The following HMCN1 variants were observed in gnomAD, a reference collection of about 807,000 sequenced individuals.
HMCN1 encodes hemicentin-1.
In HMCN1, 321 loss-of-function variants were observed where a neutral mutation model predicts 625.9. The ratio of observed to expected loss-of-function variants is 0.51; its 90% CI spans 0.47 to 0.56. The LOEUF (loss-of-function observed/expected upper bound fraction) is 0.56, where lower values mean the gene tolerates loss of function less well. Among genes scored for constraint, HMCN1 ranks in the 20% least tolerant of loss-of-function variants. The pLI, the probability that HMCN1 is intolerant of heterozygous loss-of-function variation, is 0.00. For synonymous variants in HMCN1, 2,425 were observed against 2,417.6 expected (o/e 1.00, Z -0.09); for missense variants, 6,588 against 6,887.3 (o/e 0.96, Z 1.54).
chr1:185,933,411 A>G (rs1432532368), intron 10 of HMCN1, 138 bp from the exon 11 acceptor site: 23 of 803,324 alleles, frequency 2.9e-5, no homozygotes, highest in South Asian at 9.0e-5. Flanking sequence ...AGACATATGC[A>G]TTAATTGAGT....
chr1:186,093,028 C>A, intron 64 of HMCN1, 106 bp from the exon 65 acceptor site: 1 of 1,486,198 alleles, frequency 6.7e-7, no homozygotes, highest in South Asian at 1.1e-5. Context: ...CAGTTGGTTG[C>A]TTGAATTTTC....
intron 4 of HMCN1, among the ~76,000 whole-genome samples, chr1:185,903,660 A>G (rs541340096): frequency 6.6e-6 from 1 of 151,676 alleles, no homozygotes; most frequent in Non-Finnish European, 1.5e-5. Flanking sequence ...CCCTCTCAAA[A>G]GTCTCAAGTG....
intron 4 of HMCN1, among the ~76,000 whole-genome samples, chr1:185,895,996 C>T (rs374070379): frequency 2.6e-5 from 4 of 151,034 alleles, no homozygotes; most frequent in African/African-American, 7.3e-5. Flanking sequence ...AGTGCAGTGG[C>T]GCAATCTCGG....
chr1:185,997,083 G>A (rs536965256), intron 24 of HMCN1, among the ~76,000 whole-genome samples: 1 of 152,154 alleles, frequency 6.6e-6, no homozygotes, highest in South Asian at 2.1e-4. Flanking sequence ...TAGAGAGGAA[G>A]ACACAGATAT....
At chr1:186,120,253 G>T in intron 80 of HMCN1, 108 bp downstream of exon 80, 2 of 1,242,636 alleles carry the variant, frequency 1.6e-6, no homozygotes, top group Non-Finnish European at 2.3e-6. Flanking sequence ...CATAGTTCTC[G>T]ACATTCTTAG....
intron 22 of HMCN1, among the ~76,000 whole-genome samples, chr1:185,992,117 G>A (rs1314779723): frequency 6.6e-6 from 1 of 152,086 alleles, no homozygotes; most frequent in South Asian, 2.1e-4. Context: ...CTGGTGACTT[G>A]TCTTTCTCTT....
chr1:185,794,342 A>ATT (rs1244351859), intron 1 of HMCN1, among the ~76,000 whole-genome samples: 5 of 138,590 alleles, frequency 3.6e-5, no homozygotes, highest in East Asian at 1.9e-4. Flanking sequence ...AAGAGGATAG[A>ATT]TTATATATAT....
At chr1:185,783,858 G>T (rs1657346851) in intron 1 of HMCN1, among the ~76,000 whole-genome samples, 3 of 152,212 alleles carry the variant, frequency 2.0e-5, no homozygotes, top group Admixed American at 6.5e-5. Flanking sequence ...GAGAACCACT[G>T]TACCGTCTTC....
At chr1:185,842,466 G>A (rs1300022261) in intron 1 of HMCN1, among the ~76,000 whole-genome samples, 2 of 152,148 alleles carry the variant, frequency 1.3e-5, no homozygotes, top group East Asian at 1.9e-4. Flanking sequence ...GGGAGGCTGA[G>A]GCAGGAGGAT....
Position 186,145,413 on chromosome 1 carries a change from C to T in HMCN1, c.14277C>T (p.Asn4759=), listed in dbSNP as rs1010685079. Residue 4759 remains asparagine, a synonymous_variant, in exon 92 of 107, where the codon AAC becomes AAT. Coordinates refer to ENST00000271588, the MANE Select transcript of HMCN1 (RefSeq NM_031935.3). ...CNSDPCPTHG[N]WSPWSGWGTC... ...TATTCTGTCTTGTAGCCCATGGTAA[C>T]TGGAGTCCTTGGAGTGGCTGGGGAA... 3 of 1,580,838 alleles carry T rather than the reference C, an allele frequency of 1.9e-6. No homozygotes were observed. Among genetic ancestry groups the T allele is most frequent in the Non-Finnish European group, 2.6e-6 (3 of 1,163,868 alleles).
Position 186,106,966 on chromosome 1 carries a change from G to C in HMCN1, c.10852+1G>C. The C allele has an allele frequency of 6.3e-7, 1 of 1,596,312 alleles. No homozygotes were observed. On this transcript the variant is annotated splice_donor_variant, in intron 70 of 106. Coordinates refer to ENST00000271588, the MANE Select transcript of HMCN1 (RefSeq NM_031935.3). LOFTEE classifies it high-confidence loss of function. The stretch of plus-strand genomic sequence containing the variant: ...AAGGAATATCTAGTGAGAGTGCATG[G>C]TAAATTTGACAAAATATCCTACAGT...
intron 1 of HMCN1, among the ~76,000 whole-genome samples, chr1:185,788,766 A>G (rs1327858174): frequency 6.6e-6 from 1 of 151,734 alleles, no homozygotes; most frequent in East Asian, 1.9e-4. Context: ...GTTGTCCCCA[A>G]GTGCAGTTTT....
intron 68 of HMCN1, among the ~76,000 whole-genome samples, chr1:186,097,669 C>T (rs1371369636): frequency 6.6e-6 from 1 of 151,834 alleles, no homozygotes. Flanking sequence ...ATGAAAATAC[C>T]ATTGGCATTC....
intron 1 of HMCN1, among the ~76,000 whole-genome samples, chr1:185,781,741 A>AT (rs1657129186): frequency 2.6e-5 from 4 of 152,084 alleles, no homozygotes; most frequent in African/African-American, 9.7e-5. Flanking sequence ...GTTCTTTTAC[A>AT]TTTGCCGTAT....
intron 104 of HMCN1, 77 bp downstream of exon 104, chr1:186,178,843 G>A: frequency 1.0e-6 from 1 of 1,000,430 alleles, no homozygotes; most frequent in Non-Finnish European, 1.6e-6. Flanking sequence ...ACCTGTGATT[G>A]TTTGAGTGCA....
intron 30 of HMCN1, among the ~76,000 whole-genome samples, chr1:186,014,169 T>A (rs1252007921): frequency 6.6e-6 from 1 of 152,046 alleles, no homozygotes; most frequent in Non-Finnish European, 1.5e-5. Flanking sequence ...AAATAGCACT[T>A]TACCTGTATG....
chr1:185,831,683 A>G (rs1410557235), intron 1 of HMCN1, among the ~76,000 whole-genome samples: 6 of 152,202 alleles, frequency 3.9e-5, no homozygotes, highest in African/African-American at 1.4e-4. Context: ...TTAAAAATCA[A>G]TAGCTTTTAT....
intron 2 of HMCN1, among the ~76,000 whole-genome samples, chr1:185,858,977 A>T (rs1558020389): frequency 6.6e-6 from 1 of 151,168 alleles, no homozygotes; most frequent in Non-Finnish European, 1.5e-5. Context: ...AAGTCCGTTG[A>T]TGATTTGAGA....
intron 103 of HMCN1, among the ~76,000 whole-genome samples, chr1:186,175,487 C>T (rs1044408037): frequency 6.6e-6 from 1 of 152,116 alleles, no homozygotes; most frequent in African/African-American, 2.4e-5. Context: ...CAAACTAATA[C>T]CATTACTAGA....
Sources: allele counts gnomAD v4.1 joint callset (sites outside exome capture counted in the v4.1 genomes callset), GRCh38; gene constraint gnomAD v4.1.1; transcripts MANE v1.5; gene names NCBI Gene and HGNC (gene_info 2026-07-23, HGNC 2026-07-21).